The following LRP1B variants were observed in gnomAD, a reference collection of about 807,000 sequenced individuals.
LRP1B encodes the protein low-density lipoprotein receptor-related protein 1B.
LRP1B carries 217 observed loss-of-function variants against 556.6 expected under a neutral mutation model. That is an observed-to-expected ratio of 0.39 (90% confidence interval 0.35 to 0.44). LRP1B has a LOEUF of 0.44. Among genes scored for constraint, LRP1B ranks in the 20% least tolerant of loss-of-function variants. The pLI, the probability that LRP1B is intolerant of heterozygous loss-of-function variation, is 1.00. For missense variants in LRP1B, 5,053 were observed against 5,620.8 expected (o/e 0.90, Z 3.23); for synonymous variants, 2,047 against 1,865.8 (o/e 1.10, Z -2.50).
intron 77 of LRP1B, 71 bp downstream of exon 77, chr2:140,350,726 A>G (rs1681918564): frequency 1.5e-6 from 2 of 1,312,524 alleles, no homozygotes; most frequent in Admixed American, 2.2e-5. Flanking sequence ...ATATTATATT[A>G]GATAAATTTT....
chr2:140,995,581 T>G (rs1210746185), intron 15 of LRP1B, among the ~76,000 whole-genome samples: 1 of 152,022 alleles, frequency 6.6e-6, no homozygotes, highest in African/African-American at 2.4e-5. Flanking sequence ...AAGGCATATA[T>G]GGCAAAGAAT....
intron 1 of LRP1B, among the ~76,000 whole-genome samples, chr2:141,894,568 G>A (rs1353648862): frequency 2.0e-5 from 3 of 152,004 alleles, no homozygotes; most frequent in Non-Finnish European, 4.4e-5. Context: ...GTAAAACCAT[G>A]AAGGAAGCTA....
intron 7 of LRP1B, among the ~76,000 whole-genome samples, chr2:141,166,514 A>G (rs1440334559): frequency 1.3e-5 from 2 of 151,812 alleles, no homozygotes; most frequent in African/African-American, 4.8e-5. Flanking sequence ...TCAAGCATTT[A>G]TCATTTCTTT....
At position 141,251,399 on chromosome 2, in the gene LRP1B, A is replaced by G. The variant is rs185419639; in HGVS notation, c.463+3123T>C. On this transcript the variant is annotated intron_variant, in intron 4 of 90. Transcript: ENST00000389484. ...GAAAGTAAATGTAGTTGATTGTTAA[A>G]GTTTGTGGATAATAAAGGAGGAGGG... 7.4e-4 allele frequency among the ~76,000 whole-genome samples: 113 copies of G among 152,288 alleles called. 1 individual carries two copies. Among genetic ancestry groups the G allele is most frequent in the Non-Finnish European group, 1.2e-3 (85 of 68,016 alleles).
intron 1 of LRP1B, among the ~76,000 whole-genome samples, chr2:142,013,546 T>C (rs1703021545): frequency 1.3e-5 from 2 of 152,028 alleles, no homozygotes; most frequent in Admixed American, 1.3e-4. Flanking sequence ...CTTACACATG[T>C]AATATATCTA....
At chr2:141,689,896 T>A (rs1691452193) in intron 2 of LRP1B, among the ~76,000 whole-genome samples, 1 of 151,892 alleles carries the variant, frequency 6.6e-6, no homozygotes, top group South Asian at 2.1e-4. Context: ...CTGATTGAAA[T>A]GTAAATTTTC....
intron 2 of LRP1B, among the ~76,000 whole-genome samples, chr2:141,536,245 T>C (rs901621692): frequency 6.6e-6 from 1 of 152,240 alleles, no homozygotes; most frequent in South Asian, 2.1e-4. Context: ...AACCTGAGCA[T>C]TGACTTACAT....
chr2:140,999,415 AC>A (rs1465226766), intron 15 of LRP1B, among the ~76,000 whole-genome samples: 1 of 152,068 alleles, frequency 6.6e-6, no homozygotes, highest in Non-Finnish European at 1.5e-5. Flanking sequence ...TTAGAAAGAG[AC>A]CAACAGTCTC....
rs1466823135 is a variant in LRP1B, at chr2:141,049,199, A to G, written c.1576T>C (p.Phe526Leu). The G allele has an allele frequency of 1.2e-6, 2 of 1,612,890 alleles. No homozygotes were observed. Among genetic ancestry groups the G allele is most frequent in the South Asian group, 1.1e-5 (1 of 91,058 alleles). ...ATTCCTGGGCGTCCTTTCCCATAAA[A>G]GAGGAACAACTCATTCTTTGGTCCT... ...CKRPKNELFL[F>L]YGKGRPGIVR... is the part of the protein sequence containing the mutation. The change falls in exon 11 of 91, where the codon TTT (phenylalanine) becomes CTT (leucine). Residue 526 changes from phenylalanine to leucine, a missense_variant. Physicochemically the swap from Phe to Leu is conservative, Grantham distance 22. This residue lies in a region of LRP1B where 3,619 missense variants were observed against 3,931.9 expected (regional missense o/e 0.92). Coordinates refer to ENST00000389484, the MANE Select transcript of LRP1B (RefSeq NM_018557.3).
chr2:141,157,552 A>G (rs1702098255), intron 7 of LRP1B, among the ~76,000 whole-genome samples: 1 of 152,110 alleles, frequency 6.6e-6, no homozygotes, highest in Non-Finnish European at 1.5e-5. Context: ...TACAATATAA[A>G]AAATTTAAAT....
chr2:141,787,201 T>C (rs1558874885), intron 2 of LRP1B, among the ~76,000 whole-genome samples: 1 of 151,960 alleles, frequency 6.6e-6, no homozygotes, highest in African/African-American at 2.4e-5. Flanking sequence ...CATAAATTTA[T>C]GTATTTTCTT....
chr2:141,526,222 G>A (rs375248448), intron 2 of LRP1B, among the ~76,000 whole-genome samples: 1 of 151,948 alleles, frequency 6.6e-6, no homozygotes, highest in Non-Finnish European at 1.5e-5. Flanking sequence ...CTTGAGAAAA[G>A]CCATATTCAA....
chr2:140,714,727 A>G (rs183522666), intron 37 of LRP1B, among the ~76,000 whole-genome samples: 145 of 152,208 alleles, frequency 9.5e-4, no homozygotes, highest in African/African-American at 3.4e-3. Flanking sequence ...CAACTGGTCA[A>G]ATTTTCTCCT....
At chr2:140,961,608 T>A (rs945100594) in intron 18 of LRP1B, among the ~76,000 whole-genome samples, 1 of 152,080 alleles carries the variant, frequency 6.6e-6, no homozygotes, top group African/African-American at 2.4e-5. Flanking sequence ...AATTTGACTA[T>A]TTTTTGGTAC....
chr2:140,636,143 A>C (rs1262439530), intron 41 of LRP1B, among the ~76,000 whole-genome samples: 1 of 152,110 alleles, frequency 6.6e-6, no homozygotes, highest in Non-Finnish European at 1.5e-5. Flanking sequence ...TGAAACTAGG[A>C]GCTTTGTGAG....
At chr2:140,346,106 A>C (rs1558818503) in intron 77 of LRP1B, among the ~76,000 whole-genome samples, 1 of 151,440 alleles carries the variant, frequency 6.6e-6, no homozygotes, top group African/African-American at 2.4e-5. Flanking sequence ...TGAAAGCAAG[A>C]TTCCAGTTCT....
At chr2:140,896,671 G>C (rs894172331) in intron 23 of LRP1B, among the ~76,000 whole-genome samples, 1 of 151,958 alleles carries the variant, frequency 6.6e-6, no homozygotes, top group Non-Finnish European at 1.5e-5. Context: ...TTGTAGGTAG[G>C]GGGTATCCTT....
intron 2 of LRP1B, among the ~76,000 whole-genome samples, chr2:141,759,899 G>A (rs1257087637): frequency 6.6e-6 from 1 of 152,148 alleles, no homozygotes; most frequent in Non-Finnish European, 1.5e-5. Flanking sequence ...GGTAGGCCGA[G>A]GCGGGTAGAT....
chr2:142,059,340 C>A (rs1027601282), intron 1 of LRP1B, among the ~76,000 whole-genome samples: 34 of 151,962 alleles, frequency 2.2e-4, no homozygotes, highest in African/African-American at 7.7e-4. Flanking sequence ...AATAATAATA[C>A]CAGAATTCAA....
Sources: allele counts gnomAD v4.1 joint callset (sites outside exome capture counted in the v4.1 genomes callset), GRCh38; gene constraint gnomAD v4.1.1; regional missense constraint gnomAD v4.1.1; transcripts MANE v1.5; gene names NCBI Gene and HGNC (gene_info 2026-07-23, HGNC 2026-07-21).